The following SLC48A1 variants were observed in gnomAD, a reference collection of about 807,000 sequenced individuals.
SLC48A1 encodes heme transporter HRG1.
SLC48A1 carries 6 observed loss-of-function variants against 14.8 expected under a neutral mutation model. The observed-to-expected ratio is 0.41, with a 90% confidence interval of 0.22 to 0.80. The LOEUF (loss-of-function observed/expected upper bound fraction) is 0.80. Ranked by LOEUF, SLC48A1 falls within the 30% of genes least tolerant of loss-of-function variation. SLC48A1 has a pLI of 0.34. For synonymous variants in SLC48A1, 89 were observed against 90.0 expected (o/e 0.99, Z 0.06); for missense variants, 165 against 204.8 (o/e 0.81, Z 1.19).
upstream of SLC48A1, among the ~76,000 whole-genome samples, chr12:47,766,905 G>A (rs903200449): frequency 3.9e-5 from 6 of 152,190 alleles, no homozygotes; most frequent in Non-Finnish European, 5.9e-5. Flanking sequence ...CTGGGGAGCT[G>A]CATTCTGGGT....
chr12:47,776,198 C>T (rs903864835), intron 1 of SLC48A1, among the ~76,000 whole-genome samples: 2 of 152,186 alleles, frequency 1.3e-5, no homozygotes, highest in Non-Finnish European at 2.9e-5. Context: ...CCAGCCCAGC[C>T]ACTGGGGATG....
At chr12:47,770,972 C>T, upstream of SLC48A1, 5 of 455,922 alleles carry the variant, frequency 1.1e-5, no homozygotes, top group South Asian at 7.7e-5. Flanking sequence ...GAAATGCACT[C>T]CGGACCACGG....
Position 47,773,318 on chromosome 12 carries a change from G to A in SLC48A1, c.14G>A (p.Arg5Lys). The change falls in exon 1 of 3, where the codon AGG (arginine) becomes AAG (lysine). Residue 5 changes from arginine to lysine, a missense_variant. Transcript: ENST00000442218. ...CGCCGCAGCCCCATGGCCCCGTCCA[G>A]GCTGCAGCTCGGCCTCCGCGCCGCC... MAPSRLQLGLRAAYS... is the reference protein window; with the variant it reads MAPSKLQLGLRAAYS... 2 of 1,465,958 alleles carry A rather than the reference G, an allele frequency of 1.4e-6. No homozygotes were observed. The highest frequency in any genetic ancestry group is 2.4e-4 in the Middle Eastern group (1 of 4,174). 90.8% of individuals were successfully genotyped at this position (1,465,958 alleles called of 1,614,324 possible).
intron 2 of SLC48A1, among the ~76,000 whole-genome samples, chr12:47,779,459 C>G (rs1370143353): frequency 6.6e-6 from 1 of 152,188 alleles, no homozygotes; most frequent in African/African-American, 2.4e-5. Flanking sequence ...TTAGTCTGTG[C>G]TCAGCTCTGG....
rs748282716 is a variant in SLC48A1, at chr12:47,780,563, T to C, written c.*282T>C. 8.4e-6 allele frequency: 5 copies of C among 593,704 alleles called. No homozygotes were observed. The highest frequency in any genetic ancestry group is 3.1e-5 in the South Asian group (2 of 65,268). 36.8% of individuals were successfully genotyped at this position (593,704 alleles called of 1,614,324 possible). A position where few individuals can be genotyped will look rare whatever the true frequency, so the allele number is the denominator to read the frequency against. On this transcript the variant is annotated 3_prime_UTR_variant, in exon 3 of 3. Coordinates refer to ENST00000442218, the MANE Select transcript of SLC48A1 (RefSeq NM_017842.3). ...AATCTGTTTTCTTTTCTTTCTTTTTTTTTTCTTTTTTTTTTTTTTTTGAGA... is the reference window on the plus strand; with the variant it reads ...AATCTGTTTTCTTTTCTTTCTTTTTCTTTTCTTTTTTTTTTTTTTTTGAGA...
chr12:47,763,403 G>T (rs532503785), intron 2 of SLC48A1, among the ~76,000 whole-genome samples: 41 of 152,270 alleles, frequency 2.7e-4, no homozygotes, highest in African/African-American at 9.9e-4. Context: ...AGCTGTAGGG[G>T]ATATAAGGGC....
chr12:47,754,036 C>T (rs139304099), upstream of SLC48A1: 1 of 152,344 alleles, frequency 6.6e-6, no homozygotes, highest in Non-Finnish European at 1.5e-5. Context: ...AGGTAAGATT[C>T]TACTGAATAA....
At chr12:47,767,073 T>C (rs1942530104), upstream of SLC48A1, among the ~76,000 whole-genome samples, 1 of 151,684 alleles carries the variant, frequency 6.6e-6, no homozygotes, top group Non-Finnish European at 1.5e-5. Flanking sequence ...AAGGCGAAGC[T>C]GCAGGAGGGG....
chr12:47,757,561 A>C (rs1471427872), upstream of SLC48A1, among the ~76,000 whole-genome samples: 1 of 152,178 alleles, frequency 6.6e-6, no homozygotes, highest in Non-Finnish European at 1.5e-5. Flanking sequence ...TGGAAAGAAC[A>C]CACAAGTACC....
Position 47,779,141 on chromosome 12 carries a change from G to T in SLC48A1, c.250G>T (p.Val84Phe), listed in dbSNP as rs567316729. The change falls in exon 2 of 3, where the codon GTC becomes TTC. Residue 84 changes from valine to phenylalanine, a missense_variant. By Grantham distance (50) the Val-to-Phe change is conservative (BLOSUM62 -1). Coordinates refer to ENST00000442218, the MANE Select transcript of SLC48A1 (RefSeq NM_017842.3). ...FFFVGVLFSA[V>F]SIAAFCTFLV... ...CTTCGTGGGCGTCCTCTTCTCGGCC[G>T]TCTCCATCGCTGCCTTCTGCACCTT... The T allele has an allele frequency of 4.5e-6, 7 of 1,551,848 alleles. No homozygotes were observed. Among genetic ancestry groups the T allele is most frequent in the Non-Finnish European group, 6.1e-6 (7 of 1,147,028 alleles).
upstream of SLC48A1, chr12:47,758,488 C>T (rs1942237871): frequency 1.9e-6 from 3 of 1,595,878 alleles, no homozygotes; most frequent in African/African-American, 1.3e-5. Context: ...AAACTCCCCA[C>T]CGTGTCAGCT....
chr12:47,758,227 G>C, upstream of SLC48A1: 1 of 1,435,948 alleles, frequency 7.0e-7, no homozygotes, highest in Non-Finnish European at 9.1e-7. Context: ...CTGGGGGGAG[G>C]AACAGGAAGA....
At chr12:47,756,706 C>T (rs1405135676), upstream of SLC48A1, among the ~76,000 whole-genome samples, 4 of 152,180 alleles carry the variant, frequency 2.6e-5, no homozygotes, top group African/African-American at 9.7e-5. Flanking sequence ...CGCAATGGCT[C>T]ATGCTTGTAA....
In SLC48A1 at chr12:47,773,261, C is replaced by T; in HGVS notation, c.-44C>T. 7.6e-7 allele frequency: 1 copy of T among 1,308,070 alleles called. No homozygotes were observed. Among genetic ancestry groups the T allele is most frequent in the Non-Finnish European group, 9.8e-7 (1 of 1,025,522 alleles). The allele number at this position is 1,308,070 out of a possible 1,614,324, so 81.0% of individuals were successfully genotyped here. A position where few individuals can be genotyped will look rare whatever the true frequency, so the allele number is the denominator to read the frequency against. The stretch of plus-strand genomic sequence containing the variant: ...GCGGCTTCGGGCCCTGCACCTGTGA[C>T]TCTCGGCCGCGCTCGCCCTCGGCCC... On this transcript the variant is annotated 5_prime_UTR_variant, in exon 1 of 3. Coordinates refer to ENST00000442218, the MANE Select transcript of SLC48A1 (RefSeq NM_017842.3).
rs1942784325 is a variant in SLC48A1 at position 47,777,757 on chromosome 12, G to C, written c.137-1271G>C. The stretch of plus-strand genomic sequence containing the variant: ...TAACCCAGCCTGAGAAAACAGCGTA[G>C]ATAAAATAGCATAGATTTCCCACCC... On this transcript the variant is annotated intron_variant, in intron 1 of 2. Coordinates refer to ENST00000442218, the MANE Select transcript of SLC48A1 (RefSeq NM_017842.3). This position sits in a 1 kb window ranked among gnomAD's most constrained non-coding sequence, Gnocchi z 4.5. 6.6e-6 allele frequency among the ~76,000 whole-genome samples: 1 copy of C among 152,208 alleles called. No individual in the cohort carries two copies. The highest frequency in any genetic ancestry group is 1.5e-5 in the Non-Finnish European group (1 of 68,030).
intron 1 of SLC48A1, among the ~76,000 whole-genome samples, chr12:47,776,651 T>C (rs1026888752): frequency 6.6e-6 from 1 of 152,044 alleles, no homozygotes; most frequent in Non-Finnish European, 1.5e-5. Context: ...TGAGGGAAGG[T>C]GAGAGGTGGG....
At chr12:47,778,757 G>A (rs1942802632) in intron 1 of SLC48A1, 1 of 403,884 alleles carries the variant, frequency 2.5e-6, no homozygotes, top group Non-Finnish European at 4.4e-6. Flanking sequence ...TTTTGTGAGA[G>A]ATATTCATGT....
intron 2 of SLC48A1, among the ~76,000 whole-genome samples, chr12:47,762,711 A>G (rs1039473661): frequency 6.6e-6 from 1 of 152,224 alleles, no homozygotes; most frequent in African/African-American, 2.4e-5. Flanking sequence ...CACACAGTTA[A>G]TAAGTAGTAC....
At chr12:47,770,852 C>T (rs759141701), upstream of SLC48A1, 1 of 456,736 alleles carries the variant, frequency 2.2e-6, no homozygotes, top group South Asian at 1.5e-5. Context: ...CCACAAACGA[C>T]TTACAGTTTC....
Sources: gnomAD v4.1 joint callset for allele counts (sites outside exome capture counted in the v4.1 genomes callset) on GRCh38, gnomAD v4.1.1 for gene constraint, Gnocchi (gnomAD v3.1) non-coding constraint, MANE v1.5 for transcripts, NCBI Gene and HGNC (gene_info 2026-07-23, HGNC 2026-07-21) for gene names.